STRBP: variants seen among roughly 807,000 people sequenced by gnomAD.
The protein encoded by STRBP is spermatid perinuclear RNA binding protein.
Under a neutral mutation model 80.1 loss-of-function variants are expected in STRBP, and 13 were observed. The ratio of observed to expected loss-of-function variants is 0.16; its 90% confidence interval spans 0.11 to 0.26. STRBP has a LOEUF of 0.26. Among genes scored for constraint, STRBP ranks in the 10% least tolerant of loss-of-function variants. STRBP has a pLI of 1.00. For missense variants in STRBP, 485 were observed against 815.2 expected, an observed-to-expected ratio of 0.59 and a Z score of 4.93; for synonymous variants, 284 against 291.2, an observed-to-expected ratio of 0.98 and a Z score of 0.25.
Position 123,147,023 on chromosome 9 carries a change from A to G in STRBP, c.1170T>C (p.Asn390=). The G allele has an allele frequency of 6.2e-7, 1 of 1,614,012 alleles. No individual in the cohort carries two copies. Among genetic ancestry groups the G allele is most frequent in the South Asian group, 1.1e-5 (1 of 91,080 alleles). The change falls in exon 13 of 19, where the codon AAT becomes AAC. Residue 390 remains asparagine (N), a synonymous_variant. Coordinates refer to ENST00000348403, the MANE Select transcript of STRBP (RefSeq NM_018387.5). ...TGATCTGATTTAGCCTCATTAGTGC[A>G]TTCATAAGGTCTATTGCTTTACTAT... ...ILDSKAIDLM[N]ALMRLNQIRP...
chr9:123,184,216 C>T lies in STRBP; in HGVS notation c.-82G>A. The stretch of plus-strand genomic sequence containing the variant: ...CTTCACTAGACACTGTTTTGTGTAA[C>T]AATACCTCCTCATAAGCCTGAGTCC... On this transcript the variant is annotated 5_prime_UTR_variant, in exon 3 of 19. Transcript: ENST00000348403. 2 of 1,424,148 alleles carry T rather than the reference C, an allele frequency of 1.4e-6. No homozygotes were observed. The highest frequency in any genetic ancestry group is 1.8e-4 in the Middle Eastern group (1 of 5,616). 88.2% of individuals were successfully genotyped at this position (1,424,148 alleles called of 1,614,324 possible). A position where few individuals can be genotyped will look rare whatever the true frequency, so the allele number is the denominator to read the frequency against.
chr9:123,222,016 C>T (rs968450493), intron 2 of STRBP, among the ~76,000 whole-genome samples: 14 of 152,122 alleles, frequency 9.2e-5, no homozygotes, highest in Non-Finnish European at 7.4e-5. Flanking sequence ...GTGGGGTATA[C>T]AAAAAGGTGA....
intron 13 of STRBP, among the ~76,000 whole-genome samples, chr9:123,146,101 C>T (rs796480714): frequency 2.6e-5 from 4 of 151,840 alleles, no homozygotes; most frequent in South Asian, 4.2e-4. Flanking sequence ...GCAATTATAT[C>T]GTATGCCATA....
chr9:123,254,335 C>A (rs527748842), intron 1 of STRBP, among the ~76,000 whole-genome samples: 7 of 152,076 alleles, frequency 4.6e-5, no homozygotes, highest in Admixed American at 3.3e-4. Flanking sequence ...GTGGCGGGCA[C>A]CTGTAGTCCC....
intron 2 of STRBP, among the ~76,000 whole-genome samples, chr9:123,204,015 C>A (rs2039425498): frequency 6.6e-6 from 1 of 152,110 alleles, no homozygotes; most frequent in Non-Finnish European, 1.5e-5. Flanking sequence ...AAAAAAGCAA[C>A]TTCTCTCACA....
downstream of STRBP, among the ~76,000 whole-genome samples, chr9:123,120,757 C>T (rs951576734): frequency 6.6e-6 from 1 of 152,140 alleles, no homozygotes; most frequent in Non-Finnish European, 1.5e-5. Context: ...CATTTCATTA[C>T]GTTCACTTAT....
chr9:123,226,261 C>T (rs947401250), intron 2 of STRBP, among the ~76,000 whole-genome samples: 3 of 152,000 alleles, frequency 2.0e-5, no homozygotes, highest in African/African-American at 4.8e-5. Context: ...CTGAAAGGAA[C>T]GTTTTGTAGT....
chr9:123,230,386 C>T (rs2132577338), intron 2 of STRBP, among the ~76,000 whole-genome samples: 1 of 152,282 alleles, frequency 6.6e-6, no homozygotes, highest in South Asian at 2.1e-4. Context: ...CACTGGCAAA[C>T]CTAGTGCAAG....
chr9:123,143,858 C>T (rs1381783281), intron 13 of STRBP, among the ~76,000 whole-genome samples: 1 of 152,130 alleles, frequency 6.6e-6, no homozygotes, highest in Non-Finnish European at 1.5e-5. Flanking sequence ...ACAATAAGAG[C>T]AATCTTTGAG....
chr9:123,161,810 G>T (rs958400417), intron 6 of STRBP, among the ~76,000 whole-genome samples: 3 of 152,120 alleles, frequency 2.0e-5, no homozygotes, highest in African/African-American at 7.2e-5. Flanking sequence ...GGATTAAATG[G>T]CCCAAAGCAG....
chr9:123,120,388 G>A (rs2035711597), downstream of STRBP, among the ~76,000 whole-genome samples: 1 of 151,036 alleles, frequency 6.6e-6, no homozygotes, highest in Non-Finnish European at 1.5e-5. Flanking sequence ...GGAATTAGGG[G>A]AAGACCATTC....
chr9:123,113,567 C>T (rs150178956), intron 3 of STRBP: 1 of 167,388 alleles, frequency 6.0e-6, no homozygotes, highest in African/African-American at 2.4e-5. Flanking sequence ...TTCCAATGTC[C>T]CACGTGTCAC....
At chr9:123,163,070 T>C (rs1291316616) in intron 6 of STRBP, among the ~76,000 whole-genome samples, 4 of 152,228 alleles carry the variant, frequency 2.6e-5, no homozygotes, top group Non-Finnish European at 4.4e-5. Context: ...TTTTTTAAGA[T>C]GTCAATTTTT....
chr9:123,220,883 A>C (rs2040045562), intron 2 of STRBP, among the ~76,000 whole-genome samples: 1 of 152,228 alleles, frequency 6.6e-6, no homozygotes, highest in South Asian at 2.1e-4. Flanking sequence ...GCTAGTACGC[A>C]GGATTGGAAT....
Position 123,146,862 on chromosome 9 carries a change from G to A in STRBP, c.1331C>T (p.Ala444Val), listed in dbSNP as rs1253538004. The A allele has an allele frequency of 1.9e-6, 3 of 1,610,570 alleles. No homozygotes were observed. Among genetic ancestry groups the A allele is most frequent in the Non-Finnish European group, 1.7e-6 (2 of 1,177,646 alleles). The change falls in exon 13 of 19, where the codon GCG (alanine) becomes GTG (valine). Residue 444 changes from alanine to valine, a missense_variant. Physicochemically the swap from Ala to Val is moderately conservative, Grantham distance 64 (BLOSUM62 0). Coordinates refer to ENST00000348403, the MANE Select transcript of STRBP (RefSeq NM_018387.5). ...GTAAAACAAATACTGTACCTTCACC[G>A]CTACGTGAAGTTTTGCTGTTTTCTT... is the stretch of plus-strand genomic sequence containing the variant. ...PSKKTAKLHVAVKVLQAMGYP... is the reference protein window; with the variant it reads ...PSKKTAKLHVVVKVLQAMGYP...
At chr9:123,228,529 A>G (rs1400297905) in intron 2 of STRBP, among the ~76,000 whole-genome samples, 1 of 152,200 alleles carries the variant, frequency 6.6e-6, no homozygotes, top group Non-Finnish European at 1.5e-5. Context: ...AATAAAGTGT[A>G]TTACGGAGGA....
At chr9:123,166,781 ACAACAAC>A (rs1564257316) in intron 6 of STRBP, among the ~76,000 whole-genome samples, 3 of 150,482 alleles carry the variant, frequency 2.0e-5, no homozygotes, top group African/African-American at 7.5e-5. Context: ...AACAACAACA[ACAACAAC>A]AACAAAAAAA....
At position 123,150,081 on chromosome 9, in the gene STRBP, A is replaced by C. The variant is rs140044436; in HGVS notation, c.1046-2211T>G. On this transcript the variant is annotated intron_variant, in intron 11 of 18. Coordinates refer to ENST00000348403, the MANE Select transcript of STRBP (RefSeq NM_018387.5). ...ACCTGAGAAAGTAAAACAGTGAACT[A>C]TTCAGCCATTTGGAGAAAGAGTCCC... is the stretch of plus-strand genomic sequence containing the variant. 2.3e-3 allele frequency among the ~76,000 whole-genome samples: 345 copies of C among 152,346 alleles called. 1 individual carries two copies. Among genetic ancestry groups the C allele is most frequent in the Non-Finnish European group, 3.6e-3 (242 of 68,032 alleles).
chr9:123,128,178 C>A, intron 18 of STRBP, 36 bp downstream of exon 18: 3 of 1,612,244 alleles, frequency 1.9e-6, no homozygotes, highest in South Asian at 1.1e-5. Flanking sequence ...CTGTGACAGT[C>A]GCTAAGAGGA....
Sources: allele counts gnomAD v4.1 joint callset (sites outside exome capture counted in the v4.1 genomes callset), GRCh38; gene constraint gnomAD v4.1.1; transcripts MANE v1.5; gene names NCBI Gene and HGNC (gene_info 2026-07-23, HGNC 2026-07-21).